Variants in CDK14 observed in about 807,000 individuals in gnomAD.
CDK14 encodes cyclin dependent kinase 14, also known as cyclin-dependent kinase 14.
CDK14 carries 34 observed loss-of-function variants against 60.7 expected under a neutral mutation model. The observed-to-expected ratio is 0.56, with a 90% CI of 0.43 to 0.75. The LOEUF is 0.75. Ranked by LOEUF, CDK14 falls within the 30% of genes least tolerant of loss-of-function variation. The probability of loss-of-function intolerance (pLI) is 0.00; values close to 1 mark genes in which losing one functional copy is unlikely to be tolerated. For missense variants in CDK14, 482 were observed against 564.1 expected (o/e 0.85, Z 1.47); for synonymous variants, 197 against 203.7 (o/e 0.97, Z 0.28).
chr7:90,792,662 CT>C (rs1045808873), intron 5 of CDK14, among the ~76,000 whole-genome samples: 11 of 152,176 alleles, frequency 7.2e-5, no homozygotes, highest in African/African-American at 2.7e-4. Context: ...ACTGCCACCC[CT>C]AGTCCAGGAT....
intron 3 of CDK14, among the ~76,000 whole-genome samples, chr7:90,740,691 A>G (rs956953414): frequency 2.0e-5 from 3 of 152,168 alleles, no homozygotes; most frequent in African/African-American, 7.2e-5. Context: ...TTTTGTTATG[A>G]CACCTCTAGC....
intron 3 of CDK14, among the ~76,000 whole-genome samples, chr7:90,730,588 G>T (rs1485986747): frequency 2.0e-5 from 3 of 152,106 alleles, no homozygotes; most frequent in Non-Finnish European, 4.4e-5. Flanking sequence ...GTTTTGATTT[G>T]CATTTCTCTA....
chr7:90,837,229 TG>T (rs1790133919), intron 5 of CDK14, among the ~76,000 whole-genome samples: 1 of 152,132 alleles, frequency 6.6e-6, no homozygotes, highest in Admixed American at 6.5e-5. Context: ...ATGGAGAGTT[TG>T]TTATTAGGCT....
At chr7:90,611,225 C>T (rs2116340759) in intron 2 of CDK14, among the ~76,000 whole-genome samples, 1 of 152,302 alleles carries the variant, frequency 6.6e-6, no homozygotes, top group Admixed American at 6.5e-5. Flanking sequence ...CCCATCTCGT[C>T]CATAACTTCA....
At chr7:90,631,990 G>A (rs541110080) in intron 2 of CDK14, 1 of 151,920 alleles carries the variant, frequency 6.6e-6, no homozygotes, top group Non-Finnish European at 1.5e-5. Flanking sequence ...GACCAAAAAT[G>A]CTTCTCAGAA....
In CDK14 at chr7:91,054,222, A is replaced by G. The variant is rs551644339; in HGVS notation, c.1105+8262A>G. Among the ~76,000 whole-genome samples the G allele has an allele frequency of 2.0e-5, 3 of 150,158 alleles. No individual in the cohort carries two copies. In the East Asian group the frequency reaches 5.9e-4, roughly 30 times the overall value. The stretch of plus-strand genomic sequence containing the variant: ...ATGATTGATAGCAACTATAATGATT[A>G]TGGGTTAGGTCTAGGTGTATGGGCT... On this transcript the variant is annotated intron_variant, in intron 11 of 14. Coordinates refer to ENST00000380050, the MANE Select transcript of CDK14 (RefSeq NM_001287135.2).
At chr7:90,806,150 G>T (rs139566727) in intron 5 of CDK14, among the ~76,000 whole-genome samples, 69 of 152,208 alleles carry the variant, frequency 4.5e-4, no homozygotes, top group African/African-American at 1.4e-3. Context: ...ATTGATCAAA[G>T]ACCTCAGTGT....
intron 5 of CDK14, among the ~76,000 whole-genome samples, chr7:90,807,284 T>C (rs1448359245): frequency 6.6e-6 from 1 of 152,106 alleles, no homozygotes; most frequent in South Asian, 2.1e-4. Context: ...AGAGGAATGA[T>C]CAGGCAGCAA....
In CDK14 at chr7:91,069,459, T is replaced by TGAGCCCAA. The variant is rs553477555; in HGVS notation, c.1106-9970_1106-9963dup. ...GGGAGGCTGAGGTGGAAGGATCCCTTGAGCCCAAGAATTCAAGGCTACAGT... is the reference window on the plus strand; with the variant it reads ...GGGAGGCTGAGGTGGAAGGATCCCTTGAGCCCAAGAGCCCAAGAATTCAAGGCTACAGT... On this transcript the variant is annotated intron_variant, in intron 11 of 14. Transcript: ENST00000380050. Among the ~76,000 whole-genome samples, 25 of 152,216 alleles carry TGAGCCCAA rather than the reference T, an allele frequency of 1.6e-4. No homozygotes were observed. The East Asian group carries it at 4.1e-3, about 25-fold the overall frequency.
chr7:90,966,651 G>A (rs1794759725), intron 9 of CDK14, among the ~76,000 whole-genome samples: 1 of 152,028 alleles, frequency 6.6e-6, no homozygotes, highest in African/African-American at 2.4e-5. Flanking sequence ...TGGGTTTAAT[G>A]TCATCTACCC....
At chr7:90,814,154 G>A (rs1022095954) in intron 5 of CDK14, among the ~76,000 whole-genome samples, 2 of 152,154 alleles carry the variant, frequency 1.3e-5, no homozygotes, top group Non-Finnish European at 2.9e-5. Context: ...AGTAAAGAAA[G>A]ATGTATAATT....
intron 4 of CDK14, among the ~76,000 whole-genome samples, chr7:90,762,126 G>A (rs902747448): frequency 6.6e-6 from 1 of 152,144 alleles, no homozygotes; most frequent in Non-Finnish European, 1.5e-5. Context: ...GCCTTGTTGA[G>A]GAGAGGACAT....
At chr7:90,951,552 C>T (rs908742630) in intron 8 of CDK14, among the ~76,000 whole-genome samples, 4 of 152,218 alleles carry the variant, frequency 2.6e-5, no homozygotes, top group African/African-American at 4.8e-5. Context: ...ATTTCTGAAC[C>T]TTATCCTAGG....
intron 14 of CDK14, among the ~76,000 whole-genome samples, chr7:91,192,797 G>A (rs1199578581): frequency 6.6e-6 from 1 of 152,108 alleles, no homozygotes; most frequent in Non-Finnish European, 1.5e-5. Flanking sequence ...GAAAAAGAAT[G>A]GAAAGTGAGG....
At chr7:90,629,350 G>A (rs1262797574) in intron 2 of CDK14, among the ~76,000 whole-genome samples, 2 of 152,168 alleles carry the variant, frequency 1.3e-5, no homozygotes, top group African/African-American at 4.8e-5. Flanking sequence ...TTGGACAGTT[G>A]TTTAATGTCA....
intron 11 of CDK14, among the ~76,000 whole-genome samples, chr7:91,069,049 C>T (rs705352): frequency 0.17 from 26,526 of 151,916 alleles, 3,257 homozygotes; most frequent in East Asian, 0.56. Context: ...GAATTATATA[C>T]CTGACACACA....
chr7:90,807,822 A>G (rs1040428692), intron 5 of CDK14, among the ~76,000 whole-genome samples: 2 of 152,236 alleles, frequency 1.3e-5, no homozygotes, highest in African/African-American at 2.4e-5. Flanking sequence ...ACGAATGTAC[A>G]AGCCTCAGTA....
At chr7:90,633,877 A>G (rs1403254965) in intron 2 of CDK14, among the ~76,000 whole-genome samples, 1 of 152,198 alleles carries the variant, frequency 6.6e-6, no homozygotes. Context: ...ATTCTGTTGT[A>G]GGTACTGTAA....
intron 5 of CDK14, among the ~76,000 whole-genome samples, chr7:90,831,832 C>A (rs1789919877): frequency 6.6e-6 from 1 of 152,084 alleles, no homozygotes; most frequent in Admixed American, 6.6e-5. Context: ...TGTTGTAGAT[C>A]CTGGCTTGTC....
Sources: allele counts gnomAD v4.1 joint callset (sites outside exome capture counted in the v4.1 genomes callset), GRCh38; gene constraint gnomAD v4.1.1; transcripts MANE v1.5; gene names NCBI Gene and HGNC (gene_info 2026-07-23, HGNC 2026-07-21).